Variants in RBFOX1 observed in about 807,000 individuals in gnomAD.
The protein encoded by RBFOX1 is RNA binding protein fox-1 homolog 1.
RBFOX1 carries 8 observed loss-of-function variants against 57.7 expected under a neutral mutation model. The ratio of observed to expected loss-of-function variants is 0.14; its 90% CI spans 0.08 to 0.25. RBFOX1 has a LOEUF of 0.25. Ranked by LOEUF, RBFOX1 falls within the 10% of genes least tolerant of loss-of-function variation. The pLI, the probability that RBFOX1 is intolerant of heterozygous loss-of-function variation, is 1.00. For missense variants in RBFOX1, 611 were observed against 548.5 expected (o/e 1.11, Z -1.14); for synonymous variants, 326 against 222.4 (o/e 1.47, Z -4.15).
intron 3 of RBFOX1, among the ~76,000 whole-genome samples, chr16:6,687,970 C>A (rs903058017): frequency 6.6e-6 from 1 of 152,200 alleles, no homozygotes; most frequent in Non-Finnish European, 1.5e-5. Context: ...ATGACACATG[C>A]TAACAAAACC....
intron 3 of RBFOX1, among the ~76,000 whole-genome samples, chr16:5,654,568 C>G (rs1340817775): frequency 1.3e-5 from 2 of 152,136 alleles, no homozygotes; most frequent in African/African-American, 4.8e-5. Context: ...TCAAGCCTGT[C>G]CTGTGCTGGA....
chr16:5,481,067 A>G (rs1297620183), intron 2 of RBFOX1, among the ~76,000 whole-genome samples: 3 of 152,226 alleles, frequency 2.0e-5, no homozygotes, highest in Admixed American at 2.0e-4. Context: ...TACTAGCTCT[A>G]AAAATACTCC....
chr16:6,907,602 C>G lies in RBFOX1; in HGVS notation c.-15-144455C>G, dbSNP rs546478508. On this transcript the variant is annotated intron_variant, in intron 3 of 15. Coordinates refer to ENST00000550418, the MANE Select transcript of RBFOX1 (RefSeq NM_018723.4). ...TGTTTCTGTTTTTGATGGAGTCTCA[C>G]TCTGGTTGCCCAGGCTGGATTGCAG... Among the ~76,000 whole-genome samples the G allele has an allele frequency of 2.6e-5, 4 of 152,234 alleles. No homozygotes were observed. The East Asian group carries it at 5.8e-4, about 22-fold the overall frequency.
chr16:6,548,807 G>A (rs1219023716), intron 2 of RBFOX1, among the ~76,000 whole-genome samples: 1 of 152,028 alleles, frequency 6.6e-6, no homozygotes, highest in African/African-American at 2.4e-5. Context: ...TGGGTGCAGT[G>A]GCTTGCGCCT....
intron 3 of RBFOX1, among the ~76,000 whole-genome samples, chr16:6,984,215 C>G (rs1047975668): frequency 1.3e-5 from 2 of 152,150 alleles, no homozygotes; most frequent in South Asian, 2.1e-4. Flanking sequence ...CCATTGCACT[C>G]CAGCCTACGC....
chr16:7,301,849 G>A (rs544707613), intron 4 of RBFOX1, among the ~76,000 whole-genome samples: 20 of 152,208 alleles, frequency 1.3e-4, no homozygotes, highest in African/African-American at 4.6e-4. Context: ...AAGGTAGAAT[G>A]GTTGGCCTTT....
intron 1 of RBFOX1, among the ~76,000 whole-genome samples, chr16:6,312,098 G>A (rs917215864): frequency 1.3e-5 from 2 of 152,174 alleles, no homozygotes; most frequent in African/African-American, 4.8e-5. Flanking sequence ...CAACTTAGGT[G>A]AGGCACCACC....
intron 1 of RBFOX1, among the ~76,000 whole-genome samples, chr16:5,413,068 G>T (rs2067065941): frequency 6.6e-6 from 1 of 152,196 alleles, no homozygotes; most frequent in African/African-American, 2.4e-5. Context: ...GGGGTGTGCA[G>T]AAGAAAGGCT....
chr16:7,419,235 C>A (rs1355201394), intron 4 of RBFOX1, among the ~76,000 whole-genome samples: 1 of 152,092 alleles, frequency 6.6e-6, no homozygotes, highest in Non-Finnish European at 1.5e-5. Flanking sequence ...TTGTTTTTAT[C>A]ATGTCCTTAG....
intron 3 of RBFOX1, among the ~76,000 whole-genome samples, chr16:6,890,893 T>C (rs553096291): frequency 7.2e-5 from 11 of 152,316 alleles, no homozygotes; most frequent in African/African-American, 2.6e-4. Context: ...GTCAGGGGTA[T>C]GAAGTGAGCA....
chr16:7,460,929 C>T (rs924714127), intron 4 of RBFOX1, among the ~76,000 whole-genome samples: 2 of 152,092 alleles, frequency 1.3e-5, no homozygotes, highest in African/African-American at 4.8e-5. Context: ...TCTTGGACCA[C>T]ATTTTGAGAC....
intron 3 of RBFOX1, among the ~76,000 whole-genome samples, chr16:6,763,643 T>G: frequency 6.6e-6 from 1 of 152,244 alleles, no homozygotes; most frequent in Non-Finnish European, 1.5e-5. Flanking sequence ...TATTTCATTC[T>G]CTGTTCTACC....
chr16:6,137,454 G>A (rs961382605), intron 1 of RBFOX1, among the ~76,000 whole-genome samples: 5 of 151,876 alleles, frequency 3.3e-5, no homozygotes, highest in Non-Finnish European at 5.9e-5. Context: ...ACAGGCACTG[G>A]CCACCACGCC....
At chr16:6,024,293 C>T (rs1250705414) in intron 1 of RBFOX1, among the ~76,000 whole-genome samples, 5 of 152,100 alleles carry the variant, frequency 3.3e-5, no homozygotes, top group South Asian at 2.1e-4. Flanking sequence ...CTTATATTGT[C>T]GTGGGGGAAG....
chr16:5,707,371 G>A lies in RBFOX1; in HGVS notation c.318+108410G>A, dbSNP rs186809843. Among the ~76,000 whole-genome samples, 6 of 152,334 alleles carry A rather than the reference G, an allele frequency of 3.9e-5. No homozygotes were observed. The South Asian group carries it at 1.0e-3, about 26-fold the overall frequency. On this transcript the variant is annotated intron_variant, in intron 3 of 19. Transcript: ENST00000641259. ...AGTTCTTTAAGAGCCTCAAGGAAAAGGGTGTGCATTTTCTCAGAGCTGAAG... is the reference window on the plus strand; with the variant it reads ...AGTTCTTTAAGAGCCTCAAGGAAAAAGGTGTGCATTTTCTCAGAGCTGAAG...
chr16:5,755,747 C>T (rs897445359), intron 3 of RBFOX1, among the ~76,000 whole-genome samples: 2 of 152,100 alleles, frequency 1.3e-5, no homozygotes, highest in Non-Finnish European at 2.9e-5. Flanking sequence ...TACAGGCATG[C>T]ATCTCCATGC....
At chr16:5,840,133 A>T (rs2056581138) in intron 3 of RBFOX1, among the ~76,000 whole-genome samples, 1 of 152,204 alleles carries the variant, frequency 6.6e-6, no homozygotes, top group African/African-American at 2.4e-5. Context: ...AAGTCAGCAG[A>T]GAGTCCTTAT....
chr16:6,160,753 C>T (rs956334381), intron 1 of RBFOX1, among the ~76,000 whole-genome samples: 2 of 152,174 alleles, frequency 1.3e-5, no homozygotes, highest in African/African-American at 4.8e-5. Context: ...AGTCGTTCCT[C>T]TAGGAGCCAT....
intron 3 of RBFOX1, among the ~76,000 whole-genome samples, chr16:5,670,421 G>T (rs1351529463): frequency 6.6e-6 from 1 of 152,176 alleles, no homozygotes; most frequent in Admixed American, 6.5e-5. Context: ...TGTAGCCCAT[G>T]TCCATAGGTG....
Sources: gnomAD v4.1 joint callset for allele counts (sites outside exome capture counted in the v4.1 genomes callset) on GRCh38, gnomAD v4.1.1 for gene constraint, MANE v1.5 for transcripts, NCBI Gene and HGNC (gene_info 2026-07-23, HGNC 2026-07-21) for gene names.